The following CEP89 variants were observed in gnomAD, a reference collection of about 807,000 sequenced individuals.
The protein encoded by CEP89 is centrosomal protein 89, also known as centrosomal protein of 89 kDa.
Under a neutral mutation model 97.6 loss-of-function variants are expected in CEP89, and 95 were observed. That is an observed-to-expected ratio of 0.97 (90% CI 0.82 to 1.15). The LOEUF is 1.15. Among genes scored for constraint, CEP89 ranks in the 50% most tolerant of loss-of-function variants. CEP89 has a pLI of 0.00. For synonymous variants in CEP89, 354 were observed against 349.1 expected (o/e 1.01, Z -0.16); for missense variants, 869 against 947.7 (o/e 0.92, Z 1.09).
intron 5 of CEP89, among the ~76,000 whole-genome samples, chr19:32,946,977 A>G (rs965535232): frequency 1.3e-5 from 2 of 152,192 alleles, no homozygotes; most frequent in Non-Finnish European, 2.9e-5. Context: ...ATTTAAAAAG[A>G]GATGCACCTT....
intron 16 of CEP89, among the ~76,000 whole-genome samples, chr19:32,892,646 G>C (rs1969554411): frequency 7.2e-6 from 1 of 139,300 alleles, no homozygotes; most frequent in African/African-American, 2.7e-5. Context: ...GGCCAGGAGA[G>C]AATGAGACGA....
chr19:32,883,055 G>A (rs1202823783), intron 17 of CEP89, among the ~76,000 whole-genome samples: 3 of 151,806 alleles, frequency 2.0e-5, no homozygotes, highest in African/African-American at 7.3e-5. Flanking sequence ...ATAGAGATGG[G>A]GTTTCACCAT....
At chr19:32,914,908 G>A (rs1239127373) in intron 14 of CEP89, among the ~76,000 whole-genome samples, 1 of 151,870 alleles carries the variant, frequency 6.6e-6, no homozygotes, top group African/African-American at 2.4e-5. Flanking sequence ...TGTAATCCCA[G>A]ATACTCAGGA....
At chr19:32,917,487 A>C (rs1970151671) in intron 13 of CEP89, among the ~76,000 whole-genome samples, 1 of 152,204 alleles carries the variant, frequency 6.6e-6, no homozygotes, top group African/African-American at 2.4e-5. Context: ...GGAGAGGGAA[A>C]ACCTCCATCT....
intron 14 of CEP89, among the ~76,000 whole-genome samples, chr19:32,902,002 C>CTGTGTGTG (rs1471468250): frequency 7.6e-5 from 8 of 104,972 alleles, no homozygotes; most frequent in South Asian, 6.0e-4. Flanking sequence ...CTCTGTCTCT[C>CTGTGTGTG]TCTCTCTCTG....
At chr19:32,892,451 G>C (rs1299427906) in intron 16 of CEP89, among the ~76,000 whole-genome samples, 1 of 151,252 alleles carries the variant, frequency 6.6e-6, no homozygotes, top group African/African-American at 2.4e-5. Flanking sequence ...TTACAGGCAT[G>C]TGCACCACCA....
intron 2 of CEP89, among the ~76,000 whole-genome samples, chr19:32,965,260 G>A (rs1971256172): frequency 6.6e-6 from 1 of 152,120 alleles, no homozygotes; most frequent in African/African-American, 2.4e-5. Flanking sequence ...AATTAGCCAG[G>A]CATGGTGGTG....
intron 16 of CEP89, among the ~76,000 whole-genome samples, chr19:32,890,882 C>A (rs533796147): frequency 6.8e-4 from 103 of 152,230 alleles, no homozygotes; most frequent in African/African-American, 2.4e-3. Flanking sequence ...GAGTCCAGCC[C>A]CCACCAGACT....
At position 32,890,070 on chromosome 19, in the gene CEP89, G is replaced by A. The variant is rs935058184; in HGVS notation, c.1876-2229C>T. ...GACTCAGAAGTCACCAGTAAAGTATGGCCAGACTGACCACACTCTTATCAG... is the reference window on the plus strand; with the variant it reads ...GACTCAGAAGTCACCAGTAAAGTATAGCCAGACTGACCACACTCTTATCAG... On this transcript the variant is annotated intron_variant, in intron 16 of 18. Transcript: ENST00000305768. Among the ~76,000 whole-genome samples, 4 of 152,134 alleles carry A rather than the reference G, an allele frequency of 2.6e-5. No individual in the cohort carries two copies. In the South Asian group the frequency reaches 8.3e-4, roughly 32 times the overall value.
intron 2 of CEP89, among the ~76,000 whole-genome samples, chr19:32,962,926 C>T (rs190508956): frequency 6.6e-6 from 1 of 152,270 alleles, no homozygotes; most frequent in African/African-American, 2.4e-5. Context: ...AGATCTGCAA[C>T]AGGACTTGTG....
chr19:32,939,758 C>T (rs78375921), intron 6 of CEP89, 99 bp downstream of exon 6: 11,465 of 590,992 alleles, frequency 0.019, 179 homozygotes, highest in Middle Eastern at 0.029. Context: ...CCAAAATCAC[C>T]GCCAAAGTTT....
intron 17 of CEP89, among the ~76,000 whole-genome samples, chr19:32,883,100 G>A (rs957810111): frequency 2.0e-4 from 30 of 151,736 alleles, no homozygotes; most frequent in Admixed American, 6.6e-4. Flanking sequence ...CTGACCTCGC[G>A]ATCCGCCTGC....
chr19:32,902,435 C>T (rs1011446560), intron 14 of CEP89, among the ~76,000 whole-genome samples: 5 of 152,110 alleles, frequency 3.3e-5, no homozygotes, highest in African/African-American at 7.2e-5. Context: ...ACTGGATTAA[C>T]GATAAAAGGT....
intron 17 of CEP89, among the ~76,000 whole-genome samples, chr19:32,885,194 A>G (rs1400081110): frequency 6.6e-6 from 1 of 152,206 alleles, no homozygotes; most frequent in Non-Finnish European, 1.5e-5. Flanking sequence ...TTATTACTAC[A>G]TTGTCAGAAA....
At chr19:32,888,318 CG>C (rs1969442620) in intron 16 of CEP89, among the ~76,000 whole-genome samples, 1 of 152,114 alleles carries the variant, frequency 6.6e-6, no homozygotes, top group South Asian at 2.1e-4. Flanking sequence ...CATTTGAAGT[CG>C]AATGATTTAA....
chr19:32,882,085 C>T, intron 17 of CEP89, 72 bp from the exon 18 acceptor site: 3 of 1,324,550 alleles, frequency 2.3e-6, no homozygotes, highest in East Asian at 5.1e-5. Context: ...CCTGGCTGTG[C>T]TCCCTACCCA....
chr19:32,926,149 T>A, intron 11 of CEP89, 41 bp downstream of exon 11: 1 of 1,435,922 alleles, frequency 7.0e-7, no homozygotes, highest in Non-Finnish European at 9.8e-7. Context: ...GGTCCTATAT[T>A]TTTATAAATC....
intron 15 of CEP89, among the ~76,000 whole-genome samples, chr19:32,900,525 A>G (rs1969744041): frequency 6.6e-6 from 1 of 152,184 alleles, no homozygotes; most frequent in East Asian, 1.9e-4. Flanking sequence ...CAGCCTTACA[A>G]AGTGCTGGGA....
rs767188294 is a variant in CEP89 at position 32,960,066 on chromosome 19, CA to C, written c.147-9del. 1 of 1,613,964 alleles carries C rather than the reference CA, an allele frequency of 6.2e-7. No individual in the cohort carries two copies. The highest frequency in any genetic ancestry group is 1.1e-5 in the South Asian group (1 of 91,034). On this transcript the variant is annotated splice_polypyrimidine_tract_variant and intron_variant, in intron 2 of 18. Transcript: ENST00000305768. ...GCTGCTGCCAGAGCAGATCTGCGGA[CA>C]AAAACATCCCATGGAGACAGTGAGA...
Sources: gnomAD v4.1 joint callset for allele counts (sites outside exome capture counted in the v4.1 genomes callset) on GRCh38, gnomAD v4.1.1 for gene constraint, MANE v1.5 for transcripts, NCBI Gene and HGNC (gene_info 2026-07-23, HGNC 2026-07-21) for gene names.